The following WDR87 variants were observed in gnomAD, a reference collection of about 807,000 sequenced individuals.
WDR87 encodes the protein WD repeat domain 87, also known as WD repeat-containing protein 87.
In WDR87, 56 loss-of-function variants were observed where a neutral mutation model predicts 83.3. The observed-to-expected ratio is 0.67, with a 90% CI of 0.54 to 0.84. WDR87 has a LOEUF of 0.84. WDR87 is among the 40% of genes least tolerant of loss of function. The pLI is 0.00. For synonymous variants in WDR87, 1,173 were observed against 1,250.6 expected (o/e 0.94, Z 1.31); for missense variants, 2,939 against 3,431.9 (o/e 0.86, Z 3.59).
At chr19:37,899,076 AGTT>A (rs1407356008) in intron 1 of WDR87, among the ~76,000 whole-genome samples, 5 of 141,926 alleles carry the variant, frequency 3.5e-5, no homozygotes, top group African/African-American at 5.5e-5. Context: ...CCCATCAATG[AGTT>A]GTTGTTGTGT....
chr19:37,886,798 C>T lies in WDR87; in HGVS notation c.6873G>A (p.Glu2291=). The change falls in exon 6 of 6, where the codon GAG becomes GAA. Residue 2291 remains glutamate (E), a synonymous_variant. Transcript: ENST00000447313. ...CCTCCTCCTCCCTTTCCTCTTCTTC[C>T]TCCCTTTCCTCCTCCTCCTCAGAAG... ...SLSSEEEEER[E]EEEEREEEEE... 1.3e-6 allele frequency: 2 copies of T among 1,546,872 alleles called. No homozygotes were observed. Among genetic ancestry groups the T allele is most frequent in the South Asian group, 1.2e-5 (1 of 83,748 alleles).
rs2145430994 is a variant in WDR87, at chr19:37,893,758, A to C, written c.1945T>G (p.Phe649Val). 1 of 1,551,648 alleles carries C rather than the reference A, an allele frequency of 6.4e-7. No homozygotes were observed. Among genetic ancestry groups the C allele is most frequent in the African/African-American group, 1.4e-5 (1 of 73,158 alleles). Residue 649 changes from phenylalanine to valine, a missense_variant, in exon 4 of 6, where the codon TTT (phenylalanine) becomes GTT (valine). Phe to Val is a conservative substitution (Grantham distance 50). This residue lies in a region of WDR87 where 553 missense variants were observed against 577.9 expected (regional missense o/e 0.96). Transcript: ENST00000447313. Reference sequence around the variant, plus strand: ...TCATTTGCAAAACAGACTGGGCCAAAGTGCAGTGATGAGTCCAGAATGCCT... The same window carrying C: ...TCATTTGCAAAACAGACTGGGCCAACGTGCAGTGATGAGTCCAGAATGCCT... ...LIGILDSSLH[F>V]GPVCFANDRG...
At position 37,888,292 on chromosome 19, in the gene WDR87, C is replaced by A. The variant is rs571399500; in HGVS notation, c.5379G>T (p.Glu1793Asp). The change falls in exon 6 of 6, where the codon GAG (glutamate) becomes GAT (aspartate). Residue 1793 changes from glutamate to aspartate, a missense_variant. Coordinates refer to ENST00000447313, the MANE Select transcript of WDR87 (RefSeq NM_001291088.2). ...GTTTCTCCCTTTGCCAGGCCAATGCCTCCTCTTCCTCAGCCAGTTTCTTCT... is the reference window on the plus strand; with the variant it reads ...GTTTCTCCCTTTGCCAGGCCAATGCATCCTCTTCCTCAGCCAGTTTCTTCT... Reference protein sequence around the residue: ...EEKKKLAEEEEALAWQREKLS... With the variant: ...EEKKKLAEEEDALAWQREKLS... 5 of 1,551,500 alleles carry A rather than the reference C, an allele frequency of 3.2e-6. No homozygotes were observed. The highest frequency in any genetic ancestry group is 4.4e-6 in the Non-Finnish European group (5 of 1,146,968).
rs2046214062 is a variant in WDR87, at chr19:37,892,464, T to G, written c.3125+114A>C. 9 of 1,019,106 alleles carry G rather than the reference T, an allele frequency of 8.8e-6. No individual in the cohort carries two copies. The South Asian group carries it at 1.6e-4, about 19-fold the overall frequency. 63.1% of individuals were successfully genotyped at this position (1,019,106 alleles called of 1,614,324 possible). On this transcript the variant is annotated intron_variant, in intron 4 of 5. Transcript: ENST00000447313. Reference sequence around the variant, plus strand: ...TAGTCATCTAGGCGTGAGCAAAGGCTATGAGAAAGAAGAAACATCAGGGAG... The same window carrying G: ...TAGTCATCTAGGCGTGAGCAAAGGCGATGAGAAAGAAGAAACATCAGGGAG...
chr19:37,894,811 G>C lies in WDR87; in HGVS notation c.892C>G (p.Leu298Val). ...CIRSRPEAHT[L>V]LTAGSDSLIK... is the part of the protein sequence containing the mutation. ...AGGCTGTCACTACCAGCTGTTAGCA[G>C]GGTGTGGGCCTCTGGTCGGCTGCGG... Residue 298 changes from leucine to valine, a missense_variant, in exon 4 of 6, where the codon CTG becomes GTG. Physicochemically the swap from Leu to Val is conservative, Grantham distance 32. Around this residue, in one of 3 missense-constraint regions of WDR87, gnomAD observed 553 missense variants for 577.9 expected, o/e 0.96. Transcript: ENST00000447313. 1 of 1,551,756 alleles carries C rather than the reference G, an allele frequency of 6.4e-7. No homozygotes were observed.
At position 37,893,764 on chromosome 19, in the gene WDR87, G is replaced by A. The variant is rs1400526054; in HGVS notation, c.1939C>T (p.Leu647=). Reference sequence around the variant, plus strand: ...GCAAAACAGACTGGGCCAAAGTGCAGTGATGAGTCCAGAATGCCTATGAGT... The same window carrying A: ...GCAAAACAGACTGGGCCAAAGTGCAATGATGAGTCCAGAATGCCTATGAGT... ...GRLIGILDSS[L]HFGPVCFAND... The change falls in exon 4 of 6, where the codon CTG becomes TTG. Residue 647 remains leucine, a synonymous_variant. Transcript: ENST00000447313. 9.7e-6 allele frequency: 15 copies of A among 1,551,608 alleles called. No individual in the cohort carries two copies. The highest frequency in any genetic ancestry group is 1.3e-5 in the Non-Finnish European group (15 of 1,147,020).
At chr19:37,898,942 G>A (rs1414542910) in intron 1 of WDR87, among the ~76,000 whole-genome samples, 1 of 152,144 alleles carries the variant, frequency 6.6e-6, no homozygotes, top group Non-Finnish European at 1.5e-5. Context: ...TGTTAAAAAT[G>A]CAAATTATTG....
At position 37,886,484 on chromosome 19, in the gene WDR87, C is replaced by T; in HGVS notation, c.7187G>A (p.Arg2396Lys). 6.6e-7 allele frequency: 1 copy of T among 1,514,410 alleles called. No homozygotes were observed. The allele number at this position is 1,514,410 out of a possible 1,614,324, so 93.8% of individuals were successfully genotyped here. Residue 2396 changes from arginine to lysine, a missense_variant, in exon 6 of 6, where the codon AGA (arginine) becomes AAA (lysine). Physicochemically the swap from Arg to Lys is conservative, Grantham distance 26 (BLOSUM62 2). Coordinates refer to ENST00000447313, the MANE Select transcript of WDR87 (RefSeq NM_001291088.2). ...EKQFKLQEQRRKSLRGRERVL... is the reference protein window; with the variant it reads ...EKQFKLQEQRKKSLRGRERVL... ...TCTTTCCCTTCCTCTTAGGCTCTTT[C>T]TTCTTTGTTCTTGTAACTTAAATTG...
At chr19:37,900,984 A>G (rs1286885202) in intron 1 of WDR87, among the ~76,000 whole-genome samples, 1 of 150,718 alleles carries the variant, frequency 6.6e-6, no homozygotes, top group Admixed American at 6.6e-5. Flanking sequence ...AAAAAAAAAA[A>G]AAAAATTAGC....
rs774718222 is a variant in WDR87, at chr19:37,889,232, A to G, written c.4439T>C (p.Val1480Ala). Reference protein sequence around the residue: ...VEEMATLEEKVVKQEGKLVMI... With the variant: ...VEEMATLEEKAVKQEGKLVMI... ...AACCAGTTTTCCTTCTTGTTTGACCACTTTCTCCTCTAGTGTGGCCATTTC... is the reference window on the plus strand; with the variant it reads ...AACCAGTTTTCCTTCTTGTTTGACCGCTTTCTCCTCTAGTGTGGCCATTTC... Residue 1480 changes from valine (V) to alanine (A), a missense_variant, in exon 6 of 6, where the codon GTG (valine) becomes GCG (alanine). Physicochemically the swap from Val to Ala is moderately conservative, Grantham distance 64. Coordinates refer to ENST00000447313, the MANE Select transcript of WDR87 (RefSeq NM_001291088.2). The G allele has an allele frequency of 4.3e-5, 66 of 1,551,548 alleles. 2 individuals are homozygous for G. In the South Asian group the frequency reaches 7.6e-4, roughly 18 times the overall value.
chr19:37,895,055 C>T lies in WDR87; in HGVS notation c.648G>A (p.Thr216=), dbSNP rs62112272. The T allele has an allele frequency of 0.045, 70,555 of 1,551,650 alleles. 1,866 individuals are homozygous for T. The highest frequency in any genetic ancestry group is 0.1 in the East Asian group (4,288 of 40,912). The part of the protein sequence containing the change: ...PSGSLLALCE[T]VVRVLMHQGK... ...CCTGGTGCATAAGGACCCTCACCAC[C>T]GTCTCACACAGGGCCAGGAGGGAGC... The change falls in exon 4 of 6, where the codon ACG becomes ACA. Residue 216 remains threonine (T), a synonymous_variant. Transcript: ENST00000447313.
At chr19:37,906,428 C>T (rs542963723) in intron 1 of WDR87, 71 bp downstream of exon 1, 1 of 152,338 alleles carries the variant, frequency 6.6e-6, no homozygotes, top group Admixed American at 6.5e-5. Context: ...GGGCCCCTCA[C>T]CCTCGGGCCT....
At position 37,886,071 on chromosome 19, in the gene WDR87, G is replaced by C. The variant is rs1206254994; in HGVS notation, c.7600C>G (p.His2534Asp). Residue 2534 changes from histidine to aspartate, a missense_variant, in exon 6 of 6, where the codon CAT becomes GAT. Around this residue, in one of 3 missense-constraint regions of WDR87, gnomAD observed 2,160 missense variants for 2,533.1 expected, o/e 0.85. Coordinates refer to ENST00000447313, the MANE Select transcript of WDR87 (RefSeq NM_001291088.2). Reference protein sequence around the residue: ...LGAWWKWFLQHPPLMGQTEVQ... With the variant: ...LGAWWKWFLQDPPLMGQTEVQ... Reference sequence around the variant, plus strand: ...TCAGTCTGTCCCATCAGAGGTGGATGCTGCAAAAACCACTTCCACCAGGCA... The same window carrying C: ...TCAGTCTGTCCCATCAGAGGTGGATCCTGCAAAAACCACTTCCACCAGGCA... The C allele has an allele frequency of 3.9e-6, 6 of 1,551,624 alleles. No homozygotes were observed. In the African/African-American group the frequency reaches 6.8e-5, roughly 18 times the overall value.
Position 37,894,439 on chromosome 19 carries a change from C to T in WDR87, c.1264G>A (p.Glu422Lys), listed in dbSNP as rs150405572. ...AVDWAYDPGK[E>K]ELFVATGSSE... ...CTGCCTGTTGCTACAAAGAGCTCCT[C>T]TTTACCTGGGTCGTAGGCCCAATCC... The change falls in exon 4 of 6, where the codon GAG (glutamate) becomes AAG (lysine). Residue 422 changes from glutamate (E) to lysine (K), a missense_variant. Physicochemically the swap from Glu to Lys is moderately conservative, Grantham distance 56. Around this residue, in one of 3 missense-constraint regions of WDR87, gnomAD observed 553 missense variants for 577.9 expected, o/e 0.96. Transcript: ENST00000447313. The T allele has an allele frequency of 1.6e-4, 255 of 1,551,724 alleles. 2 individuals carry two copies. In the East Asian group the frequency reaches 5.8e-3, roughly 35 times the overall value.
chr19:37,886,786 T>G lies in WDR87; in HGVS notation c.6885A>C (p.Glu2295Asp), dbSNP rs760058751. The G allele has an allele frequency of 2.4e-5, 37 of 1,535,298 alleles. No individual in the cohort carries two copies. The highest frequency in any genetic ancestry group is 1.7e-4 in the Middle Eastern group (1 of 5,992). ...CCTCCCTTTCCTCCTCCTCCTCCCT[T>G]TCCTCTTCTTCCTCCCTTTCCTCCT... ...EEEEEREEEEEREEEEEREEE... is the reference protein window; with the variant it reads ...EEEEEREEEEDREEEEEREEE... Residue 2295 changes from glutamate (E) to aspartate (D), a missense_variant, in exon 6 of 6, where the codon GAA (glutamate) becomes GAC (aspartate). Transcript: ENST00000447313.
Position 37,887,435 on chromosome 19 carries a change from C to T in WDR87, c.6236G>A (p.Arg2079Lys). The change falls in exon 6 of 6, where the codon AGA (arginine) becomes AAA (lysine). Residue 2079 changes from arginine to lysine, a missense_variant. Around this residue, in one of 3 missense-constraint regions of WDR87, gnomAD observed 2,160 missense variants for 2,533.1 expected, o/e 0.85. Transcript: ENST00000447313. ...EIAKGKLEFTRGQRIFVQGQR... is the reference protein window; with the variant it reads ...EIAKGKLEFTKGQRIFVQGQR... ...CCCCTGGACAAATATTCTCTGTCCT[C>T]TAGTAAATTCCAGTTTTCCTTTGGC... The T allele has an allele frequency of 1.3e-6, 2 of 1,551,632 alleles. No individual in the cohort carries two copies. Among genetic ancestry groups the T allele is most frequent in the Non-Finnish European group, 1.7e-6 (2 of 1,146,948 alleles).
chr19:37,887,203 C>A lies in WDR87; in HGVS notation c.6468G>T (p.Lys2156Asn), dbSNP rs1222108311. The A allele has an allele frequency of 6.4e-7, 1 of 1,551,826 alleles. No individual in the cohort carries two copies. Among genetic ancestry groups the A allele is most frequent in the Non-Finnish European group, 8.7e-7 (1 of 1,147,046 alleles). The change falls in exon 6 of 6, where the codon AAG (lysine) becomes AAT (asparagine). Residue 2156 changes from lysine (K) to asparagine (N), a missense_variant. By Grantham distance (94) the Lys-to-Asn change is moderately conservative (BLOSUM62 0). Coordinates refer to ENST00000447313, the MANE Select transcript of WDR87 (RefSeq NM_001291088.2). ...AAAAATCCCACTCTTTGATATCCAG[C>A]TTACTCTGTTCTATACTCAACCTGC... ...KERRLSIEQS[K>N]LDIKEWDFSE...
intron 1 of WDR87, among the ~76,000 whole-genome samples, chr19:37,900,905 C>T (rs753550825): frequency 3.2e-4 from 47 of 147,286 alleles, no homozygotes; most frequent in Non-Finnish European, 5.6e-4. Context: ...GAGGCTCACT[C>T]GCTTTCAGCC....
In WDR87 at chr19:37,895,290, C is replaced by T. The variant is rs573290142; in HGVS notation, c.413G>A (p.Arg138Gln). The stretch of plus-strand genomic sequence containing the variant: ...CACTTTACCCAGGGGTTTGAATGCC[C>T]GAAAGTGGTCCCCAAAGAGTCGCAG... ...LILRLFGDHF[R>Q]AFKPLGKVPC... Residue 138 changes from arginine to glutamine, a missense_variant, in exon 4 of 6, where the codon CGG (arginine) becomes CAG (glutamine). Physicochemically the swap from Arg to Gln is conservative, Grantham distance 43 (BLOSUM62 1). This residue lies in a region of WDR87 where 226 missense variants were observed against 320.9 expected (regional missense o/e 0.70). Coordinates refer to ENST00000447313, the MANE Select transcript of WDR87 (RefSeq NM_001291088.2). 8.6e-5 allele frequency: 133 copies of T among 1,551,622 alleles called. 1 individual carries two copies. The East Asian group carries it at 1.2e-3, about 14-fold the overall frequency.
Sources: gnomAD v4.1 joint callset for allele counts (sites outside exome capture counted in the v4.1 genomes callset) on GRCh38, gnomAD v4.1.1 for gene constraint, gnomAD v4.1.1 regional missense constraint, MANE v1.5 for transcripts, NCBI Gene and HGNC (gene_info 2026-07-23, HGNC 2026-07-21) for gene names.